Variants in ACBD6 observed in about 807,000 individuals in gnomAD.
ACBD6 encodes acyl-CoA-binding domain-containing protein 6.
In ACBD6, 28 loss-of-function variants were observed where a neutral mutation model predicts 37.2. The observed-to-expected ratio is 0.75, with a 90% CI of 0.56 to 1.03. The LOEUF (loss-of-function observed/expected upper bound fraction) is 1.03. Ranked by LOEUF, ACBD6 falls within the 50% of genes least tolerant of loss-of-function variation. ACBD6 has a pLI of 0.00. For missense variants in ACBD6, 340 were observed against 337.4 expected (o/e 1.01, Z -0.06); for synonymous variants, 113 against 126.8 (o/e 0.89, Z 0.73).
At chr1:180,496,686 C>A (rs1053600642) in intron 1 of ACBD6, among the ~76,000 whole-genome samples, 1 of 152,200 alleles carries the variant, frequency 6.6e-6, no homozygotes, top group East Asian at 1.9e-4. Flanking sequence ...ACAATTACCA[C>A]CTCTATCATT....
At chr1:180,434,408 T>A (rs1557868967) in intron 3 of ACBD6, among the ~76,000 whole-genome samples, 1 of 152,210 alleles carries the variant, frequency 6.6e-6, no homozygotes. Flanking sequence ...ATGTAAAGAA[T>A]CCTGTTCCCT....
intron 10 of ACBD6, chr1:180,274,606 C>A: frequency 6.5e-7 from 1 of 1,529,606 alleles, no homozygotes; most frequent in Non-Finnish European, 8.8e-7. Flanking sequence ...CCCTACCTGC[C>A]CCCCTGGCTT....
At chr1:180,453,222 T>A (rs2102030047) in intron 3 of ACBD6, among the ~76,000 whole-genome samples, 1 of 152,304 alleles carries the variant, frequency 6.6e-6, no homozygotes, top group East Asian at 1.9e-4. Context: ...TCCACCACGA[T>A]CAAGTTGGCT....
chr1:180,489,165 C>CA (rs966290751), intron 3 of ACBD6, among the ~76,000 whole-genome samples: 5 of 150,692 alleles, frequency 3.3e-5, no homozygotes, highest in Non-Finnish European at 4.4e-5. Context: ...GACTCCATCT[C>CA]AAAAAAATAA....
intron 3 of ACBD6, among the ~76,000 whole-genome samples, chr1:180,457,471 G>A: frequency 8.5e-6 from 1 of 118,066 alleles, no homozygotes; most frequent in East Asian, 2.6e-4. Flanking sequence ...ATCTCATCTT[G>A]TCTCAGTAGG....
chr1:180,333,418 G>A (rs1004222154), intron 6 of ACBD6, among the ~76,000 whole-genome samples: 2 of 152,248 alleles, frequency 1.3e-5, no homozygotes, highest in African/African-American at 4.8e-5. Flanking sequence ...TATGAAAAAG[G>A]CAAATAATGT....
chr1:180,489,670 T>C (rs979136496), intron 3 of ACBD6, among the ~76,000 whole-genome samples: 1 of 151,998 alleles, frequency 6.6e-6, no homozygotes, highest in Non-Finnish European at 1.5e-5. Context: ...GTCGTTTTTT[T>C]TTTTGAGATG....
At chr1:180,445,627 T>C (rs1458852012) in intron 3 of ACBD6, among the ~76,000 whole-genome samples, 1 of 152,154 alleles carries the variant, frequency 6.6e-6, no homozygotes, top group Non-Finnish European at 1.5e-5. Flanking sequence ...ACTGAATAAA[T>C]GTCTGCCTTA....
In ACBD6 at chr1:180,440,856, T is replaced by G. The variant is rs189593712; in HGVS notation, c.385-10594A>C. ...CTTGGTTTAATGTTTTCAAGGCTCA[T>G]CTATATTATAGCATGTATCGGTTCT... On this transcript the variant is annotated intron_variant, in intron 3 of 7. Transcript: ENST00000367595. Among the ~76,000 whole-genome samples, 630 of 152,362 alleles carry G rather than the reference T, an allele frequency of 4.1e-3. 3 individuals carry two copies. Among genetic ancestry groups the G allele is most frequent in the Non-Finnish European group, 6.9e-3 (469 of 68,040 alleles).
chr1:180,308,526 T>A (rs909368188), intron 7 of ACBD6, among the ~76,000 whole-genome samples: 1 of 152,346 alleles, frequency 6.6e-6, no homozygotes, highest in South Asian at 2.1e-4. Flanking sequence ...CCGAAACTTA[T>A]AGGGCTTTTG....
intron 5 of ACBD6, among the ~76,000 whole-genome samples, chr1:180,407,417 C>A (rs1348340668): frequency 6.6e-6 from 1 of 152,204 alleles, no homozygotes; most frequent in Non-Finnish European, 1.5e-5. Context: ...TCTTTACACA[C>A]ACAAAATATG....
At chr1:180,472,938 T>G (rs912955582) in intron 3 of ACBD6, among the ~76,000 whole-genome samples, 1 of 152,136 alleles carries the variant, frequency 6.6e-6, no homozygotes, top group East Asian at 1.9e-4. Context: ...AAACAAAGAC[T>G]ATACAGTACT....
At chr1:180,496,865 CA>C (rs1280181656) in intron 1 of ACBD6, among the ~76,000 whole-genome samples, 4 of 147,240 alleles carry the variant, frequency 2.7e-5, no homozygotes, top group Admixed American at 6.8e-5. Flanking sequence ...TCAAATGGGC[CA>C]AAAAAAAAAT....
chr1:180,317,801 A>C (rs896519409), intron 6 of ACBD6, among the ~76,000 whole-genome samples: 1 of 152,186 alleles, frequency 6.6e-6, no homozygotes, highest in Non-Finnish European at 1.5e-5. Flanking sequence ...CCAGAATGCA[A>C]GGCATTTCAT....
intron 6 of ACBD6, among the ~76,000 whole-genome samples, chr1:180,336,925 C>A (rs1049241631): frequency 2.0e-5 from 3 of 151,910 alleles, no homozygotes; most frequent in Admixed American, 2.0e-4. Context: ...ATAAATTCCT[C>A]GACACATACA....
exon 14 of ACBD6, chr1:180,270,976 C>T (rs1648613555): frequency 2.0e-5 from 6 of 307,462 alleles, no homozygotes; most frequent in Admixed American, 4.4e-5. Context: ...GCATCTGGGG[C>T]GACTTTGAAC....
chr1:180,471,463 T>A (rs1040918353), intron 3 of ACBD6, among the ~76,000 whole-genome samples: 1 of 98,288 alleles, frequency 1.0e-5, no homozygotes. Context: ...TCTGTTTTCA[T>A]GCTGCTGATA....
intron 6 of ACBD6, among the ~76,000 whole-genome samples, chr1:180,385,482 C>A (rs534262073): frequency 6.6e-6 from 1 of 151,126 alleles, no homozygotes; most frequent in African/African-American, 2.4e-5. Context: ...CTAAATTGTG[C>A]TCCCCCACAC....
At chr1:180,270,837 A>G (rs1039824998) in exon 14 of ACBD6, 1 of 187,842 alleles carries the variant, frequency 5.3e-6, no homozygotes, top group African/African-American at 2.3e-5. Flanking sequence ...GTTCTGACCT[A>G]TAGTTTAGAA....
Sources: gnomAD v4.1 joint callset for allele counts (sites outside exome capture counted in the v4.1 genomes callset) on GRCh38, gnomAD v4.1.1 for gene constraint, MANE v1.5 for transcripts, NCBI Gene and HGNC (gene_info 2026-07-23, HGNC 2026-07-21) for gene names.